PDE10A: variants seen among roughly 807,000 people sequenced by gnomAD.
PDE10A encodes phosphodiesterase 10A.
PDE10A carries 39 observed loss-of-function variants against 97.7 expected under a neutral mutation model. That is an observed-to-expected ratio of 0.40 (90% confidence interval 0.31 to 0.52). The LOEUF is 0.52. Ranked by LOEUF, PDE10A falls within the 20% of genes least tolerant of loss-of-function variation. The probability of loss-of-function intolerance (pLI) is 0.56; values close to 1 mark genes in which losing one functional copy is unlikely to be tolerated. For synonymous variants in PDE10A, 371 were observed against 376.8 expected (o/e 0.98, Z 0.18); for missense variants, 731 against 1,047.8 (o/e 0.70, Z 4.17).
At chr6:165,820,764 A>G (rs967601103) in intron 1 of PDE10A, among the ~76,000 whole-genome samples, 1 of 152,242 alleles carries the variant, frequency 6.6e-6, no homozygotes, top group Non-Finnish European at 1.5e-5. Context: ...AAGCCATAAA[A>G]AACTGGGGAA....
At chr6:165,573,280 T>G (rs999469012) in intron 1 of PDE10A, among the ~76,000 whole-genome samples, 4 of 151,848 alleles carry the variant, frequency 2.6e-5, no homozygotes, top group Non-Finnish European at 4.4e-5. Context: ...GTCTGGGTTT[T>G]TTTTTTTTTT....
chr6:165,344,882 C>CCAAA (rs1782205944), intron 18 of PDE10A, among the ~76,000 whole-genome samples: 2 of 152,064 alleles, frequency 1.3e-5, no homozygotes, highest in Admixed American at 6.5e-5. Context: ...TCCTGTAACC[C>CCAAA]CAAACAGATG....
At chr6:165,460,158 C>T (rs893442214) in intron 3 of PDE10A, among the ~76,000 whole-genome samples, 97 of 152,302 alleles carry the variant, frequency 6.4e-4, no homozygotes, top group African/African-American at 2.3e-3. Context: ...AGAAAAGCTG[C>T]GAGCCTTCTG....
At position 165,695,874 on chromosome 6, in the gene PDE10A, A is replaced by G. The variant is rs140068796; in HGVS notation, c.-614-152306T>C. Among the ~76,000 whole-genome samples, 242 of 152,314 alleles carry G rather than the reference A, an allele frequency of 1.6e-3. 3 individuals carry two copies. Among genetic ancestry groups the G allele is most frequent in the African/African-American group, 5.6e-3 (231 of 41,568 alleles). On this transcript the variant is annotated intron_variant, in intron 1 of 19. Transcript: ENST00000366882. ...TTGACCTTAGAAACTGTTCCTTCCA[A>G]GGAGCCAGAATTTGATGTTTGTAAT...
At chr6:165,345,682 G>A (rs1023671402) in intron 18 of PDE10A, among the ~76,000 whole-genome samples, 5 of 152,154 alleles carry the variant, frequency 3.3e-5, no homozygotes, top group African/African-American at 1.2e-4. Flanking sequence ...ATGATAAAAC[G>A]ATTCTTAATC....
intron 3 of PDE10A, among the ~76,000 whole-genome samples, chr6:165,451,442 A>G (rs1410915230): frequency 6.6e-6 from 1 of 151,922 alleles, no homozygotes; most frequent in Non-Finnish European, 1.5e-5. Flanking sequence ...GGCTTCAAAC[A>G]CTCCTGGGGC....
At chr6:165,515,669 A>G (rs1479629713) in intron 2 of PDE10A, among the ~76,000 whole-genome samples, 2 of 151,840 alleles carry the variant, frequency 1.3e-5, no homozygotes, top group Admixed American at 1.3e-4. Flanking sequence ...GACTACAGGC[A>G]TGCGCCATCA....
At chr6:165,787,414 G>A (rs1173913835) in intron 1 of PDE10A, among the ~76,000 whole-genome samples, 1 of 152,184 alleles carries the variant, frequency 6.6e-6, no homozygotes. Context: ...TGAGCATGTA[G>A]AAACTGCACC....
intron 2 of PDE10A, among the ~76,000 whole-genome samples, chr6:165,524,840 G>A (rs1782335715): frequency 6.6e-6 from 1 of 152,146 alleles, no homozygotes; most frequent in Non-Finnish European, 1.5e-5. Flanking sequence ...CTTGGAATGG[G>A]GACATAGAGG....
intron 2 of PDE10A, among the ~76,000 whole-genome samples, chr6:165,519,830 G>A (rs1360770632): frequency 2.6e-5 from 4 of 151,986 alleles, no homozygotes; most frequent in Non-Finnish European, 5.9e-5. Context: ...ATTTTTTCTG[G>A]TTTTCTTTTT....
intron 1 of PDE10A, among the ~76,000 whole-genome samples, chr6:165,640,746 CACAGATTATGTAA>C (rs1303053589): frequency 1.3e-5 from 2 of 152,126 alleles, no homozygotes; most frequent in Non-Finnish European, 2.9e-5. Context: ...TTAAATAAAA[CACAGATTATGTAA>C]ACAGTAGTTT....
chr6:165,459,842 T>C (rs767126264), intron 3 of PDE10A, among the ~76,000 whole-genome samples: 69 of 152,158 alleles, frequency 4.5e-4, no homozygotes, highest in Non-Finnish European at 3.2e-4. Flanking sequence ...TTGCTTTAAC[T>C]GTGGGAAGCA....
intron 1 of PDE10A, among the ~76,000 whole-genome samples, chr6:165,959,449 T>A (rs1305660491): frequency 6.6e-6 from 1 of 152,212 alleles, no homozygotes; most frequent in East Asian, 1.9e-4. Context: ...AGTGAGCCAT[T>A]TATCCACTGC....
At chr6:165,621,269 T>C (rs78331631) in intron 1 of PDE10A, among the ~76,000 whole-genome samples, 3,344 of 151,318 alleles carry the variant, frequency 0.022, 131 homozygotes, top group African/African-American at 0.077. Context: ...TTATGTTCAA[T>C]GAATCCTCAC....
At chr6:165,950,022 T>C (rs1783903575) in intron 1 of PDE10A, 1 of 152,202 alleles carries the variant, frequency 6.6e-6, no homozygotes, top group Non-Finnish European at 1.5e-5. Context: ...CTTTTAAAAA[T>C]AAGTATTATT....
At chr6:165,927,033 C>T (rs1350664080) in intron 1 of PDE10A, among the ~76,000 whole-genome samples, 1 of 141,014 alleles carries the variant, frequency 7.1e-6, no homozygotes, top group Admixed American at 7.8e-5. Context: ...ACAATGAATA[C>T]ACATGGACAC....
chr6:165,550,319 T>C (rs757984641), intron 1 of PDE10A, among the ~76,000 whole-genome samples: 15 of 152,346 alleles, frequency 9.8e-5, no homozygotes, highest in African/African-American at 1.9e-4. Flanking sequence ...TAATCTCTTA[T>C]TTATTGTAAT....
intron 1 of PDE10A, among the ~76,000 whole-genome samples, chr6:165,906,466 T>G (rs1443984929): frequency 6.6e-6 from 1 of 152,066 alleles, no homozygotes; most frequent in Non-Finnish European, 1.5e-5. Flanking sequence ...AGAGCACTGT[T>G]TTTCAAACTC....
At chr6:165,801,703 G>A (rs1778992955) in intron 1 of PDE10A, among the ~76,000 whole-genome samples, 1 of 152,208 alleles carries the variant, frequency 6.6e-6, no homozygotes, top group Admixed American at 6.5e-5. Flanking sequence ...TTAATTCTCA[G>A]TATATGTTTT....
Sources: gnomAD v4.1 joint callset for allele counts (sites outside exome capture counted in the v4.1 genomes callset) on GRCh38, gnomAD v4.1.1 for gene constraint, MANE v1.5 for transcripts, NCBI Gene and HGNC (gene_info 2026-07-23, HGNC 2026-07-21) for gene names.